The following KIAA1217 variants were observed in gnomAD, a reference collection of about 807,000 sequenced individuals.
KIAA1217 encodes KIAA1217, also known as sickle tail protein homolog.
In KIAA1217, 88 loss-of-function variants were observed where a neutral mutation model predicts 163.9. That is an observed-to-expected ratio of 0.54 (90% CI 0.45 to 0.64). The LOEUF (loss-of-function observed/expected upper bound fraction) is 0.64. Ranked by LOEUF, KIAA1217 falls within the 30% of genes least tolerant of loss-of-function variation. The pLI, the probability that KIAA1217 is intolerant of heterozygous loss-of-function variation, is 0.00. For missense variants in KIAA1217, 2,372 were observed against 2,475.0 expected, an observed-to-expected ratio of 0.96 and a Z score of 0.88; for synonymous variants, 903 against 923.1, an observed-to-expected ratio of 0.98 and a Z score of 0.39.
At chr10:24,538,740 T>G (rs188492089) in intron 17 of KIAA1217, among the ~76,000 whole-genome samples, 2,396 of 142,104 alleles carry the variant, frequency 0.017, 76 homozygotes, top group Non-Finnish European at 0.026. Context: ...TGGTTTTTTT[T>G]TTTTTTTTTT....
intron 1 of KIAA1217, among the ~76,000 whole-genome samples, chr10:23,929,626 C>T (rs1034792843): frequency 1.3e-5 from 2 of 152,196 alleles, no homozygotes; most frequent in Non-Finnish European, 2.9e-5. Context: ...GTCCATGTTG[C>T]TGCAAAGGAC....
At chr10:24,211,121 A>G (rs1271768023) in intron 1 of KIAA1217, among the ~76,000 whole-genome samples, 2 of 152,188 alleles carry the variant, frequency 1.3e-5, no homozygotes, top group African/African-American at 2.4e-5. Context: ...AGGAATAAGG[A>G]GTGAAACTGT....
intron 1 of KIAA1217, among the ~76,000 whole-genome samples, chr10:23,967,803 T>G (rs916780274): frequency 6.6e-6 from 1 of 152,170 alleles, no homozygotes; most frequent in Non-Finnish European, 1.5e-5. Flanking sequence ...ATTTACATTT[T>G]ATTTGGTAAT....
chr10:23,838,234 A>G (rs752556725), intron 1 of KIAA1217, among the ~76,000 whole-genome samples: 9 of 152,230 alleles, frequency 5.9e-5, no homozygotes, highest in Non-Finnish European at 1.3e-4. Context: ...AAGTGTAGTT[A>G]CAGGATTAAA....
intron 1 of KIAA1217, among the ~76,000 whole-genome samples, chr10:23,702,666 TACACACACACACACACACAC>T (rs377621544): frequency 1.5e-5 from 2 of 134,420 alleles, no homozygotes; most frequent in Middle Eastern, 3.8e-3. Flanking sequence ...AACAGGAGAA[TACACACACACACACACACAC>T]ACACACACAC....
chr10:23,784,236 T>A (rs1314198584), intron 1 of KIAA1217, among the ~76,000 whole-genome samples: 1 of 152,192 alleles, frequency 6.6e-6, no homozygotes, highest in East Asian at 1.9e-4. Context: ...ATATTTTGTC[T>A]ATTATAAATA....
chr10:24,511,671 A>C (rs1322142551), intron 9 of KIAA1217, among the ~76,000 whole-genome samples: 3 of 152,186 alleles, frequency 2.0e-5, no homozygotes, highest in Admixed American at 1.3e-4. Context: ...AAGCAAAAAA[A>C]TGATGCCTTT....
chr10:24,070,287 A>AT (rs1490218191), intron 2 of KIAA1217, among the ~76,000 whole-genome samples: 1 of 146,562 alleles, frequency 6.8e-6, no homozygotes, highest in African/African-American at 2.7e-5. Flanking sequence ...ATCAGAATTG[A>AT]TAAAAAAAAA....
intron 1 of KIAA1217, among the ~76,000 whole-genome samples, chr10:23,989,006 T>A (rs1476195098): frequency 4.6e-5 from 7 of 152,256 alleles, no homozygotes; most frequent in Non-Finnish European, 8.8e-5. Context: ...ATGTGATTAA[T>A]TAAAAGCACA....
chr10:24,444,293 T>G (rs989834137), intron 5 of KIAA1217, among the ~76,000 whole-genome samples: 3 of 152,194 alleles, frequency 2.0e-5, no homozygotes, highest in African/African-American at 7.2e-5. Flanking sequence ...TTTACAGGCG[T>G]GAGCCACCAT....
chr10:23,848,367 T>C (rs933460725), intron 1 of KIAA1217, among the ~76,000 whole-genome samples: 4 of 151,990 alleles, frequency 2.6e-5, no homozygotes, highest in Admixed American at 2.6e-4. Flanking sequence ...TTGTAGTCTG[T>C]AAGAATTTGT....
intron 1 of KIAA1217, among the ~76,000 whole-genome samples, chr10:23,903,537 G>T (rs907365805): frequency 6.6e-6 from 1 of 152,062 alleles, no homozygotes; most frequent in African/African-American, 2.4e-5. Flanking sequence ...GGACAAAAAG[G>T]GGTAAGATCT....
At chr10:23,987,185 G>A (rs1011632362) in intron 1 of KIAA1217, among the ~76,000 whole-genome samples, 12 of 151,830 alleles carry the variant, frequency 7.9e-5, no homozygotes, top group African/African-American at 2.4e-4. Context: ...AGACCATCCG[G>A]GCTAACATGG....
chr10:23,918,967 T>C (rs1411692693), intron 1 of KIAA1217, among the ~76,000 whole-genome samples: 1 of 151,996 alleles, frequency 6.6e-6, no homozygotes, highest in Non-Finnish European at 1.5e-5. Context: ...AGGTCTCTGA[T>C]GAGTAAAGAA....
intron 9 of KIAA1217, among the ~76,000 whole-genome samples, chr10:24,503,456 T>C (rs1256918728): frequency 6.6e-6 from 1 of 152,206 alleles, no homozygotes; most frequent in Non-Finnish European, 1.5e-5. Context: ...GGCTGGGTTG[T>C]GTCAGGGGGT....
intron 2 of KIAA1217, among the ~76,000 whole-genome samples, chr10:24,374,315 T>C (rs1027742933): frequency 2.6e-5 from 4 of 152,134 alleles, no homozygotes; most frequent in Non-Finnish European, 5.9e-5. Flanking sequence ...GGCCCAGAAG[T>C]TCCTGGTTAC....
At chr10:24,380,512 C>T (rs902768639) in intron 2 of KIAA1217, among the ~76,000 whole-genome samples, 1 of 151,954 alleles carries the variant, frequency 6.6e-6, no homozygotes, top group Non-Finnish European at 1.5e-5. Flanking sequence ...CATGTTGGGG[C>T]ACACCTGTAG....
chr10:24,409,997 C>CTTTTTTTTTTTTTTTTTTTTTTTTT (rs71397947), intron 3 of KIAA1217, among the ~76,000 whole-genome samples: 1 of 123,872 alleles, frequency 8.1e-6, no homozygotes, highest in African/African-American at 3.1e-5. Context: ...TTTCTTTTTT[C>CTTTTTTTTTTTTTTTTTTTTTTTTT]TTTTTTTTTT....
chr10:23,958,915 AG>A (rs1844690787), intron 1 of KIAA1217, among the ~76,000 whole-genome samples: 1 of 148,952 alleles, frequency 6.7e-6, no homozygotes. Flanking sequence ...CACTTCTTTT[AG>A]GTGCTAGTAG....
Sources: gnomAD v4.1 joint callset for allele counts (sites outside exome capture counted in the v4.1 genomes callset) on GRCh38, gnomAD v4.1.1 for gene constraint, MANE v1.5 for transcripts, NCBI Gene and HGNC (gene_info 2026-07-23, HGNC 2026-07-21) for gene names.